Variants in FRMD6 observed in about 807,000 individuals in gnomAD.
The protein encoded by FRMD6 is FERM domain containing 6.
FRMD6 carries 37 observed loss-of-function variants against 73.2 expected under a neutral mutation model. That is an observed-to-expected ratio of 0.51 (90% CI 0.39 to 0.66). The LOEUF (loss-of-function observed/expected upper bound fraction) is 0.66, where lower values mean the gene tolerates loss of function less well. FRMD6 is among the 30% of genes least tolerant of loss of function. FRMD6 has a pLI of 0.00. For missense variants in FRMD6, 714 were observed against 780.5 expected, an observed-to-expected ratio of 0.91 and a Z score of 1.02; for synonymous variants, 273 against 282.2, an observed-to-expected ratio of 0.97 and a Z score of 0.33.
At chr14:51,439,521 CT>C in the FRMD6 span, among the ~76,000 whole-genome samples, 7 of 152,230 alleles carry the variant, frequency 4.6e-5, no homozygotes, top group South Asian at 2.1e-4. Context: ...TCAAGGTTGG[CT>C]TTGGGTTTTT....
At chr14:51,587,781 G>A (rs1240844739) in intron 2 of FRMD6, among the ~76,000 whole-genome samples, 1 of 152,184 alleles carries the variant, frequency 6.6e-6, no homozygotes, top group African/African-American at 2.4e-5. Context: ...AAATGCTTAA[G>A]TATAAAATTA....
At chr14:51,547,548 G>A (rs1886544385) in intron 1 of FRMD6, among the ~76,000 whole-genome samples, 1 of 152,172 alleles carries the variant, frequency 6.6e-6, no homozygotes, top group African/African-American at 2.4e-5. Context: ...GTATGCCTTA[G>A]CCAAATGCAT....
intron 1 of FRMD6, among the ~76,000 whole-genome samples, chr14:51,663,406 A>G (rs537690256): frequency 1.3e-5 from 2 of 152,276 alleles, no homozygotes; most frequent in Non-Finnish European, 2.9e-5. Flanking sequence ...AATGTGGTAC[A>G]TATATATCAT....
the FRMD6 span, among the ~76,000 whole-genome samples, chr14:51,401,070 G>C: frequency 1.3e-5 from 2 of 152,102 alleles, no homozygotes; most frequent in East Asian, 1.9e-4. Flanking sequence ...CTTCAGAAAG[G>C]TTTTCCTGAA....
At chr14:51,575,423 C>T (rs1282776899) in intron 2 of FRMD6, among the ~76,000 whole-genome samples, 4 of 152,182 alleles carry the variant, frequency 2.6e-5, no homozygotes, top group Non-Finnish European at 5.9e-5. Flanking sequence ...GAGGGGGCCA[C>T]CTGGCTCTGA....
At chr14:51,447,219 G>A in the FRMD6 span, among the ~76,000 whole-genome samples, 6 of 152,092 alleles carry the variant, frequency 3.9e-5, no homozygotes, top group Admixed American at 2.0e-4. Context: ...TCTGGGGTGC[G>A]GGGAGATGTG....
At chr14:51,727,367 T>G (rs1354084745) in intron 13 of FRMD6, among the ~76,000 whole-genome samples, 1 of 152,204 alleles carries the variant, frequency 6.6e-6, no homozygotes. Flanking sequence ...GATAATTACT[T>G]GATTTCTGAA....
intron 2 of FRMD6, among the ~76,000 whole-genome samples, chr14:51,695,034 C>T (rs928737922): frequency 1.3e-5 from 2 of 151,702 alleles, no homozygotes; most frequent in Non-Finnish European, 2.9e-5. Flanking sequence ...AATGTATGGG[C>T]TGCATGGAGG....
At chr14:51,399,227 T>A in the FRMD6 span, among the ~76,000 whole-genome samples, 1 of 152,212 alleles carries the variant, frequency 6.6e-6, no homozygotes, top group African/African-American at 2.4e-5. Context: ...ATTCAGCAGG[T>A]CTTCCTTCTC....
the FRMD6 span, among the ~76,000 whole-genome samples, chr14:51,470,509 C>CA: frequency 5.2e-4 from 79 of 150,506 alleles, 1 homozygote; most frequent in South Asian, 4.8e-3. Flanking sequence ...CAAAAAAAAC[C>CA]AAAAAAAAAC....
chr14:51,588,188 C>T (rs537028015), intron 2 of FRMD6, among the ~76,000 whole-genome samples: 1 of 151,984 alleles, frequency 6.6e-6, no homozygotes, highest in African/African-American at 2.4e-5. Flanking sequence ...CATTTCCCCC[C>T]CTCCCAAACC....
the FRMD6 span, among the ~76,000 whole-genome samples, chr14:51,477,866 A>T: frequency 6.6e-6 from 1 of 151,868 alleles, no homozygotes; most frequent in Non-Finnish European, 1.5e-5. Flanking sequence ...GAGCCTCCCA[A>T]GTAGCTGGGA....
intron 1 of FRMD6, chr14:51,546,594 A>C (rs1250078650): frequency 6.6e-6 from 1 of 151,260 alleles, no homozygotes. Context: ...AAAAAAAAAA[A>C]AAAAAAAAAA....
At chr14:51,522,211 A>T (rs1307020768) in intron 1 of FRMD6, among the ~76,000 whole-genome samples, 1 of 152,190 alleles carries the variant, frequency 6.6e-6, no homozygotes, top group Non-Finnish European at 1.5e-5. Flanking sequence ...TCAAACCATA[A>T]GTGAATTCTT....
At chr14:51,591,303 A>AC (rs56050135) in intron 2 of FRMD6, among the ~76,000 whole-genome samples, 1 of 151,904 alleles carries the variant, frequency 6.6e-6, no homozygotes, top group Non-Finnish European at 1.5e-5. Flanking sequence ...ACAAAAAAAA[A>AC]CTTTACATTA....
intron 2 of FRMD6, among the ~76,000 whole-genome samples, chr14:51,591,057 G>A (rs1457934554): frequency 3.3e-5 from 5 of 152,088 alleles, no homozygotes; most frequent in African/African-American, 1.2e-4. Flanking sequence ...GCTGCTGTGG[G>A]GTTTTTTTTG....
intron 2 of FRMD6, among the ~76,000 whole-genome samples, chr14:51,645,537 C>A (rs1479484741): frequency 6.6e-6 from 1 of 152,166 alleles, no homozygotes; most frequent in Admixed American, 6.5e-5. Flanking sequence ...TCAAGTGAAC[C>A]TCCACCTCAA....
the FRMD6 span, among the ~76,000 whole-genome samples, chr14:51,431,322 G>A: frequency 6.6e-6 from 1 of 152,174 alleles, no homozygotes; most frequent in African/African-American, 2.4e-5. Flanking sequence ...AGTAATTTTA[G>A]TATGCCAGTG....
the FRMD6 span, among the ~76,000 whole-genome samples, chr14:51,455,310 C>T: frequency 3.2e-4 from 49 of 152,332 alleles, no homozygotes; most frequent in South Asian, 6.2e-4. Flanking sequence ...TTGAGCAATA[C>T]TGTTCTAGCT....
Sources: gnomAD v4.1 joint callset for allele counts (sites outside exome capture counted in the v4.1 genomes callset) on GRCh38, gnomAD v4.1.1 for gene constraint, MANE v1.5 for transcripts, NCBI Gene and HGNC (gene_info 2026-07-23, HGNC 2026-07-21) for gene names.